The following OR4F15 variants were observed in gnomAD, a reference collection of about 807,000 sequenced individuals.
OR4F15 encodes the protein olfactory receptor family 4 subfamily F member 15.
A neutral mutation model predicts 11.9 loss-of-function variants in OR4F15; 7 were observed. That is an observed-to-expected ratio of 0.59 (90% CI 0.33 to 1.10). The LOEUF (loss-of-function observed/expected upper bound fraction) is 1.10, where lower values mean the gene tolerates loss of function less well. Ranked by LOEUF, OR4F15 falls within the 50% of genes least tolerant of loss-of-function variation. The pLI, the probability that OR4F15 is intolerant of heterozygous loss-of-function variation, is 0.03. For missense variants in OR4F15, 445 were observed against 377.5 expected, an observed-to-expected ratio of 1.18 and a Z score of -1.48; for synonymous variants, 151 against 134.6, an observed-to-expected ratio of 1.12 and a Z score of -0.84.
chr15:101,816,522 G>T (rs1902991861), intron 1 of OR4F15, among the ~76,000 whole-genome samples: 1 of 151,876 alleles, frequency 6.6e-6, no homozygotes, highest in African/African-American at 2.4e-5. Context: ...TAAGCCACTA[G>T]ATTTGTAGTA....
intron 1 of OR4F15, among the ~76,000 whole-genome samples, chr15:101,814,865 A>T (rs961084612): frequency 1.3e-5 from 2 of 152,160 alleles, no homozygotes; most frequent in Non-Finnish European, 2.9e-5. Context: ...TTGTAAATTC[A>T]TTAAAAGTGA....
Position 101,818,624 on chromosome 15 carries a change from C to T in OR4F15, c.438C>T (p.Ala146=). 6.2e-7 allele frequency: 1 copy of T among 1,614,140 alleles called. No individual in the cohort carries two copies. Among genetic ancestry groups the T allele is most frequent in the Non-Finnish European group, 8.5e-7 (1 of 1,180,012 alleles). Reference sequence around the variant, plus strand: ...CAAGAATGTGTCTATACTTTTTAGCCACTTCCTCTATCATTGGCCTTATCC... The same window carrying T: ...CAAGAATGTGTCTATACTTTTTAGCTACTTCCTCTATCATTGGCCTTATCC... ...MSPRMCLYFL[A]TSSIIGLIHS... is the part of the protein sequence containing the mutation. Residue 146 remains alanine, a synonymous_variant, in exon 2 of 2, where the codon GCC becomes GCT. Transcript: ENST00000332238.
chr15:101,812,435 A>G (rs1902922850), intron 1 of OR4F15, among the ~76,000 whole-genome samples, 163 bp downstream of exon 1: 1 of 152,198 alleles, frequency 6.6e-6, no homozygotes. Flanking sequence ...AAAGGTGCAA[A>G]GGAGTACACT....
intron 1 of OR4F15, among the ~76,000 whole-genome samples, chr15:101,813,003 G>C (rs34485654): frequency 6.6e-6 from 1 of 152,060 alleles, no homozygotes; most frequent in Admixed American, 6.5e-5. Context: ...TTTGAGGAAG[G>C]CTAAAGCAAA....
Position 101,814,903 on chromosome 15 carries a change from T to C in OR4F15, c.-38+2631T>C, listed in dbSNP as rs1347159589. On this transcript the variant is annotated intron_variant, in intron 1 of 1. Coordinates refer to ENST00000332238, the MANE Select transcript of OR4F15 (RefSeq NM_001001674.2). Reference sequence around the variant, plus strand: ...TTTACCACTATTTCTTTTGTTATTCTGAGTTGTCAGTTTTTGCTATTCAAA... The same window carrying C: ...TTTACCACTATTTCTTTTGTTATTCCGAGTTGTCAGTTTTTGCTATTCAAA... Among the ~76,000 whole-genome samples, 4 of 152,326 alleles carry C rather than the reference T, an allele frequency of 2.6e-5. No individual in the cohort carries two copies. The East Asian group carries it at 7.7e-4, about 29-fold the overall frequency.
chr15:101,812,918 T>C (rs1158095036), intron 1 of OR4F15, among the ~76,000 whole-genome samples: 1 of 152,208 alleles, frequency 6.6e-6, no homozygotes, highest in Non-Finnish European at 1.5e-5. Flanking sequence ...TTTAGGTCTA[T>C]ATAATGAGAA....
intron 1 of OR4F15, among the ~76,000 whole-genome samples, chr15:101,815,260 T>C (rs1224286748): frequency 6.6e-6 from 1 of 152,212 alleles, no homozygotes; most frequent in Non-Finnish European, 1.5e-5. Context: ...CTCTAAGGTT[T>C]AGTGCATTGT....
Position 101,819,044 on chromosome 15 carries a change from C to T in OR4F15, c.858C>T (p.Ile286=). ...AFITPFLNPV[I]YTFRNKDMKV... ...TTACTCCTTTTCTGAATCCAGTTAT[C>T]TACACATTCAGGAACAAAGACATGA... is the stretch of plus-strand genomic sequence containing the variant. The change falls in exon 2 of 2, where the codon ATC becomes ATT. Residue 286 remains isoleucine, a synonymous_variant. Transcript: ENST00000332238. 6.2e-7 allele frequency: 1 copy of T among 1,613,992 alleles called. No homozygotes were observed.
chr15:101,817,834 G>A (rs2141621425), intron 1 of OR4F15, among the ~76,000 whole-genome samples: 1 of 152,288 alleles, frequency 6.6e-6, no homozygotes, highest in South Asian at 2.1e-4. Context: ...ATAGTGAAAA[G>A]TATTTAAAGA....
rs779271912 is a variant in OR4F15 at position 101,818,369 on chromosome 15, C to A, written c.183C>A (p.Phe61Leu). The part of the protein sequence containing the change: ...MDAHLHSPMY[F>L]LLANLSIIDM... ...CTCATCTGCACTCCCCCATGTATTT[C>A]CTCCTGGCTAACCTCTCAATCATTG... Residue 61 changes from phenylalanine (F) to leucine (L), a missense_variant, in exon 2 of 2, where the codon TTC becomes TTA. Phe to Leu is a conservative substitution (Grantham distance 22). Coordinates refer to ENST00000332238, the MANE Select transcript of OR4F15 (RefSeq NM_001001674.2). The A allele has an allele frequency of 2.5e-6, 4 of 1,614,164 alleles. 1 individual carries two copies. The South Asian group carries it at 3.3e-5, about 13-fold the overall frequency.
At chr15:101,814,012 T>C (rs1303303559) in intron 1 of OR4F15, among the ~76,000 whole-genome samples, 1 of 152,210 alleles carries the variant, frequency 6.6e-6, no homozygotes, top group Non-Finnish European at 1.5e-5. Flanking sequence ...CAAACACTTA[T>C]AACCCAATGT....
chr15:101,816,970 T>C (rs1299022949), intron 1 of OR4F15, among the ~76,000 whole-genome samples: 1 of 152,154 alleles, frequency 6.6e-6, no homozygotes, highest in Non-Finnish European at 1.5e-5. Flanking sequence ...TGTATTTTGA[T>C]AAAAAAGAGA....
chr15:101,816,248 G>A (rs867695540), intron 1 of OR4F15, among the ~76,000 whole-genome samples: 2 of 152,128 alleles, frequency 1.3e-5, no homozygotes, highest in Admixed American at 6.6e-5. Context: ...GAGGAGATGC[G>A]ATGACAGAAG....
chr15:101,814,729 A>G (rs1476219408), intron 1 of OR4F15, among the ~76,000 whole-genome samples: 2 of 152,118 alleles, frequency 1.3e-5, no homozygotes, highest in Admixed American at 6.6e-5. Flanking sequence ...TTCTGATTTA[A>G]AAAATGTATT....
Position 101,818,868 on chromosome 15 carries a change from C to T in OR4F15, c.682C>T (p.His228Tyr), listed in dbSNP as rs1422706786. ...CTTCATTCTGTTCACTGTTTGGAAA[C>T]ATTCTTCTGGTGGTCTAGCCAAGGC... is the stretch of plus-strand genomic sequence containing the variant. ...YIFILFTVWKHSSGGLAKALS... is the reference protein window; with the variant it reads ...YIFILFTVWKYSSGGLAKALS... The change falls in exon 2 of 2, where the codon CAT becomes TAT. Residue 228 changes from histidine (H) to tyrosine (Y), a missense_variant. Coordinates refer to ENST00000332238, the MANE Select transcript of OR4F15 (RefSeq NM_001001674.2). The T allele has an allele frequency of 3.1e-6, 5 of 1,614,008 alleles. No individual in the cohort carries two copies. Among genetic ancestry groups the T allele is most frequent in the Admixed American group, 1.7e-5 (1 of 60,008 alleles).
At chr15:101,814,462 C>A (rs1012571276) in intron 1 of OR4F15, among the ~76,000 whole-genome samples, 1 of 151,848 alleles carries the variant, frequency 6.6e-6, no homozygotes, top group Non-Finnish European at 1.5e-5. Context: ...GCAATGTAAG[C>A]AAAACAAGGG....
rs777549314 is a variant in OR4F15, at chr15:101,818,376, G to T, written c.190G>T (p.Ala64Ser). Reference protein sequence around the residue: ...HLHSPMYFLLANLSIIDMAFC... With the variant: ...HLHSPMYFLLSNLSIIDMAFC... ...GCACTCCCCCATGTATTTCCTCCTG[G>T]CTAACCTCTCAATCATTGATATGGC... Residue 64 changes from alanine (A) to serine (S), a missense_variant, in exon 2 of 2, where the codon GCT becomes TCT. Transcript: ENST00000332238. 6.2e-7 allele frequency: 1 copy of T among 1,613,990 alleles called. No individual in the cohort carries two copies. Among genetic ancestry groups the T allele is most frequent in the South Asian group, 1.1e-5 (1 of 91,072 alleles).
In OR4F15 at chr15:101,819,056, G is replaced by A. The variant is rs1330755651; in HGVS notation, c.870G>A (p.Arg290=). Residue 290 remains arginine (R), a synonymous_variant, in exon 2 of 2, where the codon AGG becomes AGA. Coordinates refer to ENST00000332238, the MANE Select transcript of OR4F15 (RefSeq NM_001001674.2). ...TGAATCCAGTTATCTACACATTCAGGAACAAAGACATGAAAGTGGCAATGA... is the reference window on the plus strand; with the variant it reads ...TGAATCCAGTTATCTACACATTCAGAAACAAAGACATGAAAGTGGCAATGA... The part of the protein sequence containing the change: ...PFLNPVIYTF[R]NKDMKVAMRR... The A allele has an allele frequency of 2.5e-6, 4 of 1,613,790 alleles. No individual in the cohort carries two copies. Among genetic ancestry groups the A allele is most frequent in the African/African-American group, 2.7e-5 (2 of 74,880 alleles).
rs1460634616 is a variant in OR4F15, at chr15:101,818,464, C to T, written c.278C>T (p.Ser93Phe). 2 of 1,614,028 alleles carry T rather than the reference C, an allele frequency of 1.2e-6. No homozygotes were observed. Among genetic ancestry groups the T allele is most frequent in the Non-Finnish European group, 1.7e-6 (2 of 1,180,036 alleles). ...CDIFKKHKAI[S>F]FRGCITQIFF... Reference sequence around the variant, plus strand: ...ATTTTCAAGAAGCACAAGGCCATCTCCTTTCGGGGATGTATTACTCAGATC... The same window carrying T: ...ATTTTCAAGAAGCACAAGGCCATCTTCTTTCGGGGATGTATTACTCAGATC... Residue 93 changes from serine (S) to phenylalanine (F), a missense_variant, in exon 2 of 2, where the codon TCC becomes TTC. Physicochemically the swap from Ser to Phe is radical, Grantham distance 155. Coordinates refer to ENST00000332238, the MANE Select transcript of OR4F15 (RefSeq NM_001001674.2).
Sources: allele counts gnomAD v4.1 joint callset (sites outside exome capture counted in the v4.1 genomes callset), GRCh38; gene constraint gnomAD v4.1.1; transcripts MANE v1.5; gene names NCBI Gene and HGNC (gene_info 2026-07-23, HGNC 2026-07-21).